URI1: variants seen among roughly 807,000 people sequenced by gnomAD.
The protein encoded by URI1 is unconventional prefoldin RPB5 interactor 1.
In URI1, 39 loss-of-function variants were observed where a neutral mutation model predicts 60.2. That is an observed-to-expected ratio of 0.65 (90% confidence interval 0.50 to 0.85). The LOEUF is 0.85. URI1 is among the 40% of genes least tolerant of loss of function. The probability of loss-of-function intolerance (pLI) is 0.00; values close to 1 mark genes in which losing one functional copy is unlikely to be tolerated. For missense variants in URI1, 691 were observed against 665.9 expected (o/e 1.04, Z -0.42); for synonymous variants, 251 against 236.8 (o/e 1.06, Z -0.55).
rs2056073387 is a variant in URI1 at position 30,015,360 on chromosome 19, A to G, written c.*291A>G. 1 of 1,431,742 alleles carries G rather than the reference A, an allele frequency of 7.0e-7. No individual in the cohort carries two copies. Among genetic ancestry groups the G allele is most frequent in the Non-Finnish European group, 9.1e-7 (1 of 1,101,164 alleles). The allele number at this position is 1,431,742 out of a possible 1,614,324, so 88.7% of individuals were successfully genotyped here. ...AATTACTTTTCAAAGAATACTGTTC[A>G]TATGCATTGTTTTTGTGTTTCAAAC... On this transcript the variant is annotated 3_prime_UTR_variant, in exon 11 of 11. Transcript: ENST00000392271.
rs905337829 is a variant in URI1, at chr19:29,957,287, T to C, written c.118-13906T>C. On this transcript the variant is annotated intron_variant, in intron 1 of 10. Transcript: ENST00000392271. The stretch of plus-strand genomic sequence containing the variant: ...TTTTATTCCTTCCCCTTGGTTTCTT[T>C]ATAGCCGCTTTTGTTTTTATAGATT... Among the ~76,000 whole-genome samples the C allele has an allele frequency of 9.4e-5, 11 of 116,450 alleles. No homozygotes were observed. The Admixed American group carries it at 9.6e-4, about 10-fold the overall frequency. 76.4% of individuals were successfully genotyped at this position (116,450 alleles called of 152,430 possible).
At chr19:30,012,607 CATA>C in intron 10 of URI1, 76 bp downstream of exon 10, 3 of 1,509,162 alleles carry the variant, frequency 2.0e-6, no homozygotes, top group Non-Finnish European at 2.7e-6. Context: ...TCTGAAAAGT[CATA>C]AGATTAAATT....
intron 10 of URI1, among the ~76,000 whole-genome samples, chr19:30,013,584 G>A (rs2056049653): frequency 6.6e-6 from 1 of 152,168 alleles, no homozygotes; most frequent in South Asian, 2.1e-4. Context: ...TACAGCTAGA[G>A]TGTGGAACCT....
At chr19:30,009,437 A>G in intron 8 of URI1, 84 bp downstream of exon 8, 1 of 1,234,058 alleles carries the variant, frequency 8.1e-7, no homozygotes, top group Non-Finnish European at 1.1e-6. Context: ...CAATATTAAC[A>G]ATCATTATCA....
intron 4 of URI1, among the ~76,000 whole-genome samples, chr19:30,003,171 T>C (rs542127381): frequency 3.9e-5 from 6 of 152,134 alleles, no homozygotes; most frequent in Admixed American, 3.9e-4. Flanking sequence ...AGACTTGTTA[T>C]TTACTTTGTA....
At chr19:29,988,092 C>T (rs1199286639) in intron 4 of URI1, among the ~76,000 whole-genome samples, 1 of 150,394 alleles carries the variant, frequency 6.6e-6, no homozygotes, top group Non-Finnish European at 1.5e-5. Flanking sequence ...CACTTGAACC[C>T]AGGAGGTGGA....
intron 1 of URI1, among the ~76,000 whole-genome samples, chr19:29,944,140 CATATATATATATATATATAT>C (rs56329506): frequency 0.017 from 617 of 37,144 alleles, 29 homozygotes; most frequent in Non-Finnish European, 0.029. Context: ...CCCTGTCATT[CATATATATATATATATATAT>C]ATATATATAT....
chr19:30,008,645 G>T (rs2055974737), intron 7 of URI1, among the ~76,000 whole-genome samples: 1 of 151,894 alleles, frequency 6.6e-6, no homozygotes, highest in Non-Finnish European at 1.5e-5. Flanking sequence ...GAAAATAAGT[G>T]TGTATTATGT....
chr19:29,978,651 T>C (rs1300681015), intron 2 of URI1, among the ~76,000 whole-genome samples: 1 of 152,170 alleles, frequency 6.6e-6, no homozygotes. Flanking sequence ...TTGAGAAATA[T>C]AAGTCCAGAT....
intron 10 of URI1, 137 bp from the exon 11 acceptor site, chr19:30,014,750 T>C (rs2056063854): frequency 4.4e-6 from 3 of 679,082 alleles, no homozygotes; most frequent in African/African-American, 1.8e-5. Context: ...AATTAGTATT[T>C]TGGTGTAGTA....
At chr19:29,957,051 A>T (rs1478001939) in intron 1 of URI1, 1 of 564,544 alleles carries the variant, frequency 1.8e-6, no homozygotes, top group African/African-American at 1.9e-5. Context: ...TGCAAATTGG[A>T]TGATGTCATT....
At chr19:29,953,953 AACT>A (rs1347598204) in intron 1 of URI1, among the ~76,000 whole-genome samples, 1 of 152,138 alleles carries the variant, frequency 6.6e-6, no homozygotes, top group African/African-American at 2.4e-5. Context: ...AAATAGTTAG[AACT>A]ACTCAAGAAA....
intron 1 of URI1, among the ~76,000 whole-genome samples, chr19:29,933,588 A>T (rs2054941404): frequency 1.3e-5 from 2 of 151,940 alleles, no homozygotes; most frequent in Admixed American, 6.6e-5. Context: ...TTGGAGGCTG[A>T]GGTGGGTGGA....
At chr19:29,978,363 G>A (rs1232736469) in intron 2 of URI1, among the ~76,000 whole-genome samples, 1 of 152,162 alleles carries the variant, frequency 6.6e-6, no homozygotes, top group African/African-American at 2.4e-5. Flanking sequence ...CCCATGACCA[G>A]CTCAAGTCCA....
chr19:29,978,745 A>G (rs1186128988), intron 2 of URI1, among the ~76,000 whole-genome samples: 1 of 152,324 alleles, frequency 6.6e-6, no homozygotes, highest in East Asian at 1.9e-4. Flanking sequence ...AGGCATGCCT[A>G]TAATTTACTT....
intron 1 of URI1, among the ~76,000 whole-genome samples, chr19:29,958,643 T>C (rs540381693): frequency 1.2e-4 from 19 of 152,288 alleles, no homozygotes; most frequent in African/African-American, 4.3e-4. Context: ...AATTCTTTCT[T>C]TTCTTTTCTT....
At chr19:29,923,870 C>A (rs2054843199) in intron 1 of URI1, 3 of 1,065,962 alleles carry the variant, frequency 2.8e-6, no homozygotes, top group Admixed American at 4.2e-5. Context: ...ACAGATGGCG[C>A]TGTAGACATA....
intron 2 of URI1, chr19:29,983,167 C>T (rs1187308555): frequency 2.0e-5 from 3 of 152,118 alleles, no homozygotes; most frequent in East Asian, 3.9e-4. Context: ...AGTTATAAAG[C>T]AGTTGCACAC....
chr19:30,011,365 T>G, intron 9 of URI1, 129 bp downstream of exon 9: 1 of 1,216,560 alleles, frequency 8.2e-7, no homozygotes, highest in East Asian at 2.9e-5. Flanking sequence ...TCTGAGGAGT[T>G]AACTTAGGAT....
Sources: allele counts gnomAD v4.1 joint callset (sites outside exome capture counted in the v4.1 genomes callset), GRCh38; gene constraint gnomAD v4.1.1; transcripts MANE v1.5; gene names NCBI Gene and HGNC (gene_info 2026-07-23, HGNC 2026-07-21).